The following MAP3K21 variants were observed in gnomAD, a reference collection of about 807,000 sequenced individuals.
MAP3K21 encodes mitogen-activated protein kinase kinase kinase MLK4.
Under a neutral mutation model 86.1 loss-of-function variants are expected in MAP3K21, and 63 were observed. The observed-to-expected ratio is 0.73, with a 90% CI of 0.60 to 0.90. The LOEUF is 0.90. MAP3K21 is among the 40% of genes least tolerant of loss of function. The pLI is 0.00. For synonymous variants in MAP3K21, 558 were observed against 564.8 expected (o/e 0.99, Z 0.17); for missense variants, 1,220 against 1,367.7 (o/e 0.89, Z 1.70).
At chr1:233,339,370 TTCTC>T (rs1299371865) in intron 1 of MAP3K21, among the ~76,000 whole-genome samples, 6 of 69,864 alleles carry the variant, frequency 8.6e-5, no homozygotes, top group African/African-American at 2.7e-4. Context: ...CTTCTCCTCC[TTCTC>T]CTTCTTCTCC....
chr1:233,334,818 A>AT (rs1662882423), intron 1 of MAP3K21, among the ~76,000 whole-genome samples: 1 of 152,208 alleles, frequency 6.6e-6, no homozygotes, highest in Admixed American at 6.5e-5. Flanking sequence ...GATTGTCAGA[A>AT]TGGCAATAAT....
chr1:233,334,366 C>A (rs1247387342), intron 1 of MAP3K21, among the ~76,000 whole-genome samples: 1 of 152,108 alleles, frequency 6.6e-6, no homozygotes, highest in African/African-American at 2.4e-5. Context: ...TCCTCATTTA[C>A]TAGCTGTGTG....
At chr1:233,373,891 CA>C (rs1411608510) in intron 6 of MAP3K21, 3 of 152,356 alleles carry the variant, frequency 2.0e-5, no homozygotes, top group African/African-American at 7.2e-5. Context: ...AAAGAGAAAC[CA>C]GAGGAGCAAA....
At chr1:233,352,738 G>C (rs1004825749) in intron 2 of MAP3K21, among the ~76,000 whole-genome samples, 1 of 152,092 alleles carries the variant, frequency 6.6e-6, no homozygotes, top group East Asian at 1.9e-4. Context: ...GCAATTTTGT[G>C]TCTTTTGACA....
rs71173272 is a variant in MAP3K21, at chr1:233,339,195, T to TTTCTTCTTC, written c.806-7183_806-7175dup. ...GCTACAATTATTTTTAAAACAATCATTTCTTCTTCTTCTTCTTCTTCTTCT... is the reference window on the plus strand; with the variant it reads ...GCTACAATTATTTTTAAAACAATCATTTCTTCTTCTTCTTCTTCTTCTTCTTCTTCTTCT... On this transcript the variant is annotated intron_variant, in intron 1 of 9. Transcript: ENST00000366624. Among the ~76,000 whole-genome samples the TTTCTTCTTC allele has an allele frequency of 1.1e-3, 129 of 115,460 alleles. 5 individuals carry two copies. Among genetic ancestry groups the TTTCTTCTTC allele is most frequent in the Middle Eastern group, 8.8e-3 (2 of 226 alleles). 75.7% of individuals were successfully genotyped at this position (115,460 alleles called of 152,430 possible). A position where few individuals can be genotyped will look rare whatever the true frequency, so the allele number is the denominator to read the frequency against.
At chr1:233,363,245 G>A (rs1663499735) in intron 5 of MAP3K21, among the ~76,000 whole-genome samples, 1 of 152,128 alleles carries the variant, frequency 6.6e-6, no homozygotes, top group African/African-American at 2.4e-5. Context: ...GTTTGTTAAT[G>A]GCATGGTAAT....
At chr1:233,342,965 T>C (rs1459566306) in intron 1 of MAP3K21, among the ~76,000 whole-genome samples, 1 of 152,152 alleles carries the variant, frequency 6.6e-6, no homozygotes, top group Non-Finnish European at 1.5e-5. Flanking sequence ...TGGTTCTTGC[T>C]CTCTAAATTT....
rs565964163 is a variant in MAP3K21, at chr1:233,379,285, G to T, written c.2279G>T (p.Arg760Leu). Residue 760 changes from arginine (R) to leucine (L), a missense_variant, in exon 9 of 10, where the codon CGA becomes CTA. Arg to Leu is a moderately radical substitution (Grantham distance 102, BLOSUM62 -2). Around this residue, in one of 5 missense-constraint regions of MAP3K21, gnomAD observed 632 missense variants for 691.3 expected, o/e 0.91. Coordinates refer to ENST00000366624, the MANE Select transcript of MAP3K21 (RefSeq NM_032435.3). ...EPLPKEEKKK[R>L]EGIFQRASKS... ...TTGCCCAAGGAAGAGAAGAAGAAAC[G>T]AGAGGGAATCTTCCAGCGGGCTTCC... 1 of 1,614,202 alleles carries T rather than the reference G, an allele frequency of 6.2e-7. No homozygotes were observed. The highest frequency in any genetic ancestry group is 1.7e-5 in the Admixed American group (1 of 60,026).
intron 8 of MAP3K21, among the ~76,000 whole-genome samples, chr1:233,377,666 T>C (rs1663825554): frequency 6.6e-6 from 1 of 152,210 alleles, no homozygotes; most frequent in Non-Finnish European, 1.5e-5. Flanking sequence ...AGTTTTTCCA[T>C]GGACCAGTGG....
At chr1:233,333,925 C>T (rs1282156336) in intron 1 of MAP3K21, among the ~76,000 whole-genome samples, 4 of 152,100 alleles carry the variant, frequency 2.6e-5, no homozygotes, top group African/African-American at 9.7e-5. Flanking sequence ...TGCAGTGGCA[C>T]GATCTTGGCT....
At chr1:233,356,571 T>G (rs1315973659) in intron 4 of MAP3K21, among the ~76,000 whole-genome samples, 1 of 152,214 alleles carries the variant, frequency 6.6e-6, no homozygotes, top group Non-Finnish European at 1.5e-5. Flanking sequence ...GGCATATGAC[T>G]CAGCTGTTCC....
In MAP3K21 at chr1:233,379,141, G is replaced by A; in HGVS notation, c.2135G>A (p.Arg712Lys). The A allele has an allele frequency of 6.8e-6, 11 of 1,614,216 alleles. No individual in the cohort carries two copies. The highest frequency in any genetic ancestry group is 8.5e-6 in the Non-Finnish European group (10 of 1,180,022). The change falls in exon 9 of 10, where the codon AGA becomes AAA. Residue 712 changes from arginine to lysine, a missense_variant. By Grantham distance (26) the Arg-to-Lys change is conservative (BLOSUM62 2). Transcript: ENST00000366624. ...ATGACTCCTACGAATAGTCTGAGTA[G>A]ATCCCCCCAGAGAAAGAAAACGGAG... ...IEMTPTNSLS[R>K]SPQRKKTESA...
chr1:233,358,269 A>T (rs373020073), intron 4 of MAP3K21, among the ~76,000 whole-genome samples: 2 of 152,062 alleles, frequency 1.3e-5, no homozygotes, highest in Admixed American at 1.3e-4. Flanking sequence ...CTCAGGAAAA[A>T]AAAAGAAAGT....
intron 5 of MAP3K21, among the ~76,000 whole-genome samples, chr1:233,370,081 G>T (rs1311148149): frequency 6.6e-6 from 1 of 152,216 alleles, no homozygotes; most frequent in African/African-American, 2.4e-5. Flanking sequence ...GCCAAATGTG[G>T]ATGCAGGAAG....
chr1:233,350,031 T>C (rs1039633601), intron 2 of MAP3K21, among the ~76,000 whole-genome samples: 1 of 152,018 alleles, frequency 6.6e-6, no homozygotes, highest in African/African-American at 2.4e-5. Context: ...CACCTGAGGT[T>C]TTTTCCCGTT....
At chr1:233,358,472 TG>T (rs1663404937) in intron 4 of MAP3K21, among the ~76,000 whole-genome samples, 1 of 108,296 alleles carries the variant, frequency 9.2e-6, no homozygotes, top group Non-Finnish European at 1.9e-5. Context: ...GACTCTAATT[TG>T]TTTTTTTTTT....
intron 5 of MAP3K21, among the ~76,000 whole-genome samples, chr1:233,369,485 GA>G (rs1238891705): frequency 1.3e-5 from 2 of 152,140 alleles, no homozygotes; most frequent in African/African-American, 4.8e-5. Context: ...ACATGTGGAG[GA>G]AACTTGGTTT....
chr1:233,342,966 C>T (rs1034597413), intron 1 of MAP3K21, among the ~76,000 whole-genome samples: 1 of 152,090 alleles, frequency 6.6e-6, no homozygotes, highest in African/African-American at 2.4e-5. Flanking sequence ...GGTTCTTGCT[C>T]TCTAAATTTC....
chr1:233,353,678 A>T, intron 2 of MAP3K21, 129 bp from the exon 3 acceptor site: 1 of 832,088 alleles, frequency 1.2e-6, no homozygotes, highest in Non-Finnish European at 1.7e-6. Context: ...TCAGCCATTT[A>T]GGGGCTTTTC....
Sources: allele counts gnomAD v4.1 joint callset (sites outside exome capture counted in the v4.1 genomes callset), GRCh38; gene constraint gnomAD v4.1.1; regional missense constraint gnomAD v4.1.1; transcripts MANE v1.5; gene names NCBI Gene and HGNC (gene_info 2026-07-23, HGNC 2026-07-21).